The following GLYATL2 variants were observed in gnomAD, a reference collection of about 807,000 sequenced individuals.
The protein encoded by GLYATL2 is glycine N-acyltransferase-like protein 2.
In GLYATL2, 25 loss-of-function variants were observed where a neutral mutation model predicts 21.4. The ratio of observed to expected loss-of-function variants is 1.17; its 90% CI spans 0.85 to 1.63. GLYATL2 has a LOEUF of 1.63. Among genes scored for constraint, GLYATL2 ranks in the 40% most tolerant of loss-of-function variants. GLYATL2 has a pLI of 0.00. For synonymous variants in GLYATL2, 114 were observed against 118.2 expected (o/e 0.96, Z 0.23); for missense variants, 361 against 343.3 (o/e 1.05, Z -0.41).
intron 1 of GLYATL2, among the ~76,000 whole-genome samples, chr11:58,869,232 T>C (rs1390665356): frequency 6.6e-6 from 1 of 152,220 alleles, no homozygotes. Flanking sequence ...TAGAATTTGA[T>C]AAACCGATAT....
chr11:58,893,174 C>T, intron 1 of GLYATL2: 1 of 364,928 alleles, frequency 2.7e-6, no homozygotes, highest in South Asian at 9.2e-5. Flanking sequence ...ATGCCAGCAG[C>T]CTGTATCCTG....
chr11:58,842,850 A>G (rs1853578280), intron 1 of GLYATL2, among the ~76,000 whole-genome samples: 6 of 152,106 alleles, frequency 3.9e-5, no homozygotes, highest in Admixed American at 3.9e-4. Flanking sequence ...TTAACCCACC[A>G]CTACTGTGAC....
chr11:58,856,558 C>G (rs1853830935), intron 1 of GLYATL2, among the ~76,000 whole-genome samples: 1 of 152,184 alleles, frequency 6.6e-6, no homozygotes, highest in Non-Finnish European at 1.5e-5. Context: ...AGACTCATGA[C>G]TCTTTCCTTC....
In GLYATL2 at chr11:58,852,582, A is replaced by T. The variant is rs796372292; in HGVS notation, n.61-14214T>A. Among the ~76,000 whole-genome samples, 16 of 152,320 alleles carry T rather than the reference A, an allele frequency of 1.1e-4. 1 individual carries two copies. The highest frequency in any genetic ancestry group is 3.4e-4 in the African/African-American group (14 of 41,566). On this transcript the variant is annotated intron_variant and non_coding_transcript_variant, in intron 1 of 4. Transcript: ENST00000533636. ...CAGGAAATTGAGATAGAGATAGGGTAAATAGCTTGCTCAAAATTACATGAA... is the reference window on the plus strand; with the variant it reads ...CAGGAAATTGAGATAGAGATAGGGTTAATAGCTTGCTCAAAATTACATGAA...
upstream of GLYATL2, among the ~76,000 whole-genome samples, chr11:58,847,997 C>CTT (rs56234893): frequency 4.9e-3 from 491 of 99,582 alleles, 7 homozygotes; most frequent in African/African-American, 0.017. Context: ...GAGAGAGAGG[C>CTT]TTTTTTTTTT....
rs749001956 is a variant in GLYATL2, at chr11:58,837,413, T to C, written c.187-16A>G. 37 of 1,607,592 alleles carry C rather than the reference T, an allele frequency of 2.3e-5. No homozygotes were observed. Among genetic ancestry groups the C allele is most frequent in the Non-Finnish European group, 3.1e-5 (36 of 1,174,738 alleles). On this transcript the variant is annotated splice_polypyrimidine_tract_variant and intron_variant, in intron 3 of 5. Transcript: ENST00000287275. ...CTTTCATCTCCTGATATAACAAATA[T>C]CAATTATATTTACATAGCGCTACAA...
chr11:58,853,013 G>T (rs1419061849), intron 1 of GLYATL2, among the ~76,000 whole-genome samples: 6 of 152,054 alleles, frequency 3.9e-5, no homozygotes, highest in African/African-American at 1.4e-4. Context: ...TCATTTATTT[G>T]GTGTTTCTTT....
intron 1 of GLYATL2, among the ~76,000 whole-genome samples, chr11:58,889,786 AG>A (rs1438254419): frequency 6.6e-6 from 1 of 152,128 alleles, no homozygotes; most frequent in Non-Finnish European, 1.5e-5. Flanking sequence ...TGTATTCATA[AG>A]GGAATATGGG....
chr11:58,872,755 CT>C (rs1175293644), intron 1 of GLYATL2, among the ~76,000 whole-genome samples: 1 of 152,202 alleles, frequency 6.6e-6, no homozygotes, highest in Non-Finnish European at 1.5e-5. Context: ...TTAGGATTGA[CT>C]TGGAGATGCG....
intron 1 of GLYATL2, among the ~76,000 whole-genome samples, chr11:58,865,696 C>T (rs1243288779): frequency 7.2e-6 from 1 of 138,894 alleles, no homozygotes; most frequent in African/African-American, 2.5e-5. Flanking sequence ...TAGGCAGGTG[C>T]TCAGATGCAC....
At chr11:58,853,736 G>A (rs1210570910) in intron 1 of GLYATL2, among the ~76,000 whole-genome samples, 1 of 152,108 alleles carries the variant, frequency 6.6e-6, no homozygotes, top group Non-Finnish European at 1.5e-5. Context: ...ACAACATGAT[G>A]TTTTAAAGTA....
At chr11:58,839,437 A>G in intron 2 of GLYATL2, 98 bp downstream of exon 2, 1 of 646,420 alleles carries the variant, frequency 1.5e-6, no homozygotes, top group Non-Finnish European at 2.7e-6. Context: ...CTCACTTTAG[A>G]CTTGCATTCC....
upstream of GLYATL2, among the ~76,000 whole-genome samples, chr11:58,909,125 A>G (rs1854978823): frequency 6.6e-6 from 1 of 152,222 alleles, no homozygotes; most frequent in Non-Finnish European, 1.5e-5. Flanking sequence ...AGAGAGAAGA[A>G]TTCTTAATTC....
intron 1 of GLYATL2, among the ~76,000 whole-genome samples, chr11:58,856,171 T>C (rs560552832): frequency 1.7e-4 from 26 of 152,210 alleles, no homozygotes; most frequent in Non-Finnish European, 3.5e-4. Context: ...GCTTCTTTCC[T>C]TAAACCTCAT....
chr11:58,905,685 C>T (rs78275034), upstream of GLYATL2: 7,917 of 334,814 alleles, frequency 0.024, 179 homozygotes, highest in East Asian at 0.058. Context: ...GGCTGTGGAC[C>T]GAGTGGTTCG....
intron 1 of GLYATL2, among the ~76,000 whole-genome samples, chr11:58,855,085 G>A (rs2134589798): frequency 6.6e-6 from 1 of 152,288 alleles, no homozygotes; most frequent in South Asian, 2.1e-4. Flanking sequence ...TCCTGTTGAT[G>A]TTGATAGCTT....
chr11:58,839,862 A>G (rs1228869869), intron 1 of GLYATL2, among the ~76,000 whole-genome samples: 2 of 145,484 alleles, frequency 1.4e-5, no homozygotes, highest in Non-Finnish European at 3.0e-5. Flanking sequence ...TCTCCATACA[A>G]TTCCACTTAA....
intron 1 of GLYATL2, among the ~76,000 whole-genome samples, chr11:58,880,435 G>T (rs1854312805): frequency 6.6e-6 from 1 of 152,154 alleles, no homozygotes; most frequent in Non-Finnish European, 1.5e-5. Flanking sequence ...TTGTTCTCAT[G>T]TATCAGCCAA....
At chr11:58,905,491 C>G (rs1259757737), upstream of GLYATL2, 1 of 456,166 alleles carries the variant, frequency 2.2e-6, no homozygotes, top group Non-Finnish European at 4.4e-6. Context: ...CCTTGCAGCT[C>G]TCCTCAGCGC....
Sources: allele counts gnomAD v4.1 joint callset (sites outside exome capture counted in the v4.1 genomes callset), GRCh38; gene constraint gnomAD v4.1.1; transcripts MANE v1.5; gene names NCBI Gene and HGNC (gene_info 2026-07-23, HGNC 2026-07-21).